Variants in CAST observed in about 807,000 individuals in gnomAD.
The protein encoded by CAST is calpastatin.
CAST carries 76 observed loss-of-function variants against 119.6 expected under a neutral mutation model. The ratio of observed to expected loss-of-function variants is 0.64; its 90% CI spans 0.53 to 0.77. The LOEUF (loss-of-function observed/expected upper bound fraction) is 0.77, where lower values mean the gene tolerates loss of function less well. Among genes scored for constraint, CAST ranks in the 30% least tolerant of loss-of-function variants. The pLI is 0.00. For missense variants in CAST, 953 were observed against 946.5 expected, an observed-to-expected ratio of 1.01 and a Z score of -0.09; for synonymous variants, 319 against 331.6, an observed-to-expected ratio of 0.96 and a Z score of 0.41.
chr5:96,028,252 A>G, the CAST span, among the ~76,000 whole-genome samples: 1 of 152,096 alleles, frequency 6.6e-6, no homozygotes, highest in Non-Finnish European at 1.5e-5. Flanking sequence ...AATAAATAGC[A>G]AACAATTGAT....
At chr5:96,587,583 A>G (rs1423173401) in intron 1 of CAST, among the ~76,000 whole-genome samples, 1 of 152,194 alleles carries the variant, frequency 6.6e-6, no homozygotes, top group Non-Finnish European at 1.5e-5. Context: ...TCTTTTTGTA[A>G]GCAGAAAGAC....
the CAST span, among the ~76,000 whole-genome samples, chr5:96,404,456 T>G: frequency 6.6e-6 from 1 of 152,220 alleles, no homozygotes; most frequent in African/African-American, 2.4e-5. Context: ...AAGGAAAGTA[T>G]TTCTTTGTGC....
intron 16 of CAST, among the ~76,000 whole-genome samples, chr5:96,745,166 G>A (rs1328719750): frequency 6.6e-6 from 1 of 152,156 alleles, no homozygotes; most frequent in Non-Finnish European, 1.5e-5. Flanking sequence ...GGGGAGTGCT[G>A]CTCCATGACA....
At chr5:96,442,631 T>C in the CAST span, among the ~76,000 whole-genome samples, 15 of 152,234 alleles carry the variant, frequency 9.9e-5, no homozygotes, top group African/African-American at 3.6e-4. Flanking sequence ...GTGGATTAAG[T>C]ATCAAGGTAG....
intron 16 of CAST, among the ~76,000 whole-genome samples, chr5:96,745,712 A>AGTT (rs1446676307): frequency 6.6e-6 from 1 of 152,222 alleles, no homozygotes. Context: ...TAATGCAGCT[A>AGTT]GTTGTTCATG....
the CAST span, among the ~76,000 whole-genome samples, chr5:96,507,988 G>T: frequency 9.0e-6 from 1 of 111,314 alleles, no homozygotes; most frequent in Admixed American, 1.0e-4. Flanking sequence ...TTATATCCCT[G>T]ACATTATTAT....
the CAST span, among the ~76,000 whole-genome samples, chr5:96,334,701 C>G: frequency 6.6e-6 from 1 of 152,158 alleles, no homozygotes; most frequent in African/African-American, 2.4e-5. Flanking sequence ...CCACTTCAAA[C>G]AAAAGCCTAG....
In CAST at chr5:96,754,110, G is replaced by A; in HGVS notation, c.1575G>A (p.Gly525=). Residue 525 remains glycine, a synonymous_variant, in exon 21 of 32, where the codon GGG becomes GGA. Coordinates refer to ENST00000675179, the MANE Select transcript of CAST (RefSeq NM_001750.7). Reference sequence around the variant, plus strand: ...TAGAAGCCTTGGCTGATAGCCTGGGGAAAAAGGAAGCAGATCCAGAAGATG... The same window carrying A: ...TAGAAGCCTTGGCTGATAGCCTGGGAAAAAAGGAAGCAGATCCAGAAGATG... ...DAVEALADSL[G]KKEADPEDGK... is the part of the protein sequence containing the mutation. 3 of 1,613,908 alleles carry A rather than the reference G, an allele frequency of 1.9e-6. No individual in the cohort carries two copies. Among genetic ancestry groups the A allele is most frequent in the Non-Finnish European group, 2.5e-6 (3 of 1,179,790 alleles).
chr5:96,622,857 CTTTT>C (rs5869727), intron 1 of CAST, among the ~76,000 whole-genome samples: 32 of 64,470 alleles, frequency 5.0e-4, no homozygotes, highest in African/African-American at 2.1e-3. Context: ...TTATGGGACT[CTTTT>C]TTTTTTTTTT....
At chr5:96,081,820 A>G in the CAST span, among the ~76,000 whole-genome samples, 1 of 152,236 alleles carries the variant, frequency 6.6e-6, no homozygotes. Flanking sequence ...ATTTAAGTAA[A>G]GATGTCTAGC....
upstream of CAST, among the ~76,000 whole-genome samples, chr5:96,524,076 A>G (rs1219346886): frequency 6.6e-6 from 1 of 152,176 alleles, no homozygotes; most frequent in South Asian, 2.1e-4. Flanking sequence ...TGGATTTAAA[A>G]CTAGTACAGG....
At chr5:96,122,237 A>G in the CAST span, among the ~76,000 whole-genome samples, 3 of 152,184 alleles carry the variant, frequency 2.0e-5, no homozygotes, top group African/African-American at 7.2e-5. Context: ...TTTAGCTTCA[A>G]ACATGCATTT....
In CAST at chr5:96,557,417, A is replaced by G. The variant is rs1314476463; in HGVS notation, c.60+27537A>G. 2.0e-5 allele frequency among the ~76,000 whole-genome samples: 3 copies of G among 152,102 alleles called. No homozygotes were observed. The East Asian group carries it at 5.8e-4, about 29-fold the overall frequency. ...CCAATTAAAAGACACAGACTGGCAA[A>G]TTGGATAAATAGTCAAGACCCATCA... is the stretch of plus-strand genomic sequence containing the variant. On this transcript the variant is annotated intron_variant, in intron 1 of 11. Transcript: ENST00000505143.
chr5:96,747,776 G>T (rs989335259), intron 18 of CAST, among the ~76,000 whole-genome samples: 2 of 152,018 alleles, frequency 1.3e-5, no homozygotes, highest in Admixed American at 1.3e-4. Context: ...TTTATTAATC[G>T]CTTGCTATGC....
intron 3 of CAST, among the ~76,000 whole-genome samples, chr5:96,721,834 A>G (rs1177073204): frequency 6.6e-6 from 1 of 152,200 alleles, no homozygotes; most frequent in Non-Finnish European, 1.5e-5. Context: ...ACTGGATCAC[A>G]GGGGCTGATT....
At chr5:96,295,580 A>G in the CAST span, among the ~76,000 whole-genome samples, 1 of 152,234 alleles carries the variant, frequency 6.6e-6, no homozygotes, top group East Asian at 1.9e-4. Flanking sequence ...GTCATCTCTG[A>G]ATATTTTAGT....
the CAST span, among the ~76,000 whole-genome samples, chr5:96,016,829 G>GTTTTT: frequency 6.4e-4 from 63 of 97,678 alleles, no homozygotes; most frequent in East Asian, 1.5e-3. Flanking sequence ...GGTTATCTGG[G>GTTTTT]TTTTTTTTTT....
At chr5:96,048,472 C>T in the CAST span, among the ~76,000 whole-genome samples, 8 of 152,100 alleles carry the variant, frequency 5.3e-5, no homozygotes, top group Admixed American at 5.2e-4. Context: ...TTTTCATTTT[C>T]TAACTTGCAC....
At chr5:96,170,570 CTTTA>C in the CAST span, among the ~76,000 whole-genome samples, 1 of 152,098 alleles carries the variant, frequency 6.6e-6, no homozygotes, top group Admixed American at 6.6e-5. Flanking sequence ...ATTTTTGGAG[CTTTA>C]TTTAATGTCG....
Sources: gnomAD v4.1 joint callset for allele counts (sites outside exome capture counted in the v4.1 genomes callset) on GRCh38, gnomAD v4.1.1 for gene constraint, MANE v1.5 for transcripts, NCBI Gene and HGNC (gene_info 2026-07-23, HGNC 2026-07-21) for gene names.